MAGI1: variants seen among roughly 807,000 people sequenced by gnomAD.
The protein encoded by MAGI1 is membrane associated guanylate kinase, WW and PDZ domain containing 1.
MAGI1 carries 58 observed loss-of-function variants against 139.9 expected under a neutral mutation model. That is an observed-to-expected ratio of 0.41 (90% confidence interval 0.34 to 0.52). The LOEUF is 0.52. Among genes scored for constraint, MAGI1 ranks in the 20% least tolerant of loss-of-function variants. The pLI is 0.12. For synonymous variants in MAGI1, 812 were observed against 737.9 expected (o/e 1.10, Z -1.63); for missense variants, 1,874 against 1,901.6 (o/e 0.99, Z 0.27).
At chr3:66,034,876 C>T (rs1454651859) in intron 1 of MAGI1, among the ~76,000 whole-genome samples, 1 of 151,810 alleles carries the variant, frequency 6.6e-6, no homozygotes, top group Non-Finnish European at 1.5e-5. Flanking sequence ...CAAAATTATT[C>T]TATGGTAGAT....
chr3:66,027,007 C>T (rs1296244987), intron 1 of MAGI1, among the ~76,000 whole-genome samples: 1 of 151,490 alleles, frequency 6.6e-6, no homozygotes, highest in East Asian at 1.9e-4. Flanking sequence ...CGGTGGCTCA[C>T]ACTTGTAATC....
At chr3:65,681,645 G>A (rs926282565) in intron 1 of MAGI1, among the ~76,000 whole-genome samples, 11 of 152,132 alleles carry the variant, frequency 7.2e-5, no homozygotes, top group African/African-American at 2.7e-4. Context: ...TTATGTTCAA[G>A]TTTACTGAGA....
intron 1 of MAGI1, among the ~76,000 whole-genome samples, chr3:65,629,906 ATACT>A (rs2084194474): frequency 6.6e-6 from 1 of 152,202 alleles, no homozygotes; most frequent in Non-Finnish European, 1.5e-5. Flanking sequence ...ACAGAACCAC[ATACT>A]TAAGAAAGGG....
intron 2 of MAGI1, among the ~76,000 whole-genome samples, chr3:65,506,589 A>C (rs2077296957): frequency 6.6e-6 from 1 of 152,204 alleles, no homozygotes; most frequent in African/African-American, 2.4e-5. Context: ...TTATCTTTCA[A>C]TAAGAAATCA....
chr3:65,672,213 A>G (rs1021374052), intron 1 of MAGI1, among the ~76,000 whole-genome samples: 18 of 152,220 alleles, frequency 1.2e-4, no homozygotes, highest in African/African-American at 4.1e-4. Context: ...TTTAAGAAGC[A>G]AAATGCAAAA....
At chr3:65,493,271 A>G (rs1208589462) in intron 3 of MAGI1, among the ~76,000 whole-genome samples, 1 of 152,152 alleles carries the variant, frequency 6.6e-6, no homozygotes, top group Admixed American at 6.5e-5. Context: ...ACACACCCAC[A>G]TACTTGAATA....
chr3:65,545,636 A>G (rs1013706062), intron 2 of MAGI1, among the ~76,000 whole-genome samples: 1 of 152,166 alleles, frequency 6.6e-6, no homozygotes, highest in Non-Finnish European at 1.5e-5. Context: ...GCATCTACAG[A>G]GTTCCTAAGA....
rs1375015523 is a variant in MAGI1 at position 65,964,010 on chromosome 3, T to C, written c.313+73986A>G. Reference sequence around the variant, plus strand: ...AAGGGCAGTGAGTCAGATTCCTGAGTCTAGTTCATCTAATATAATTGTTAA... The same window carrying C: ...AAGGGCAGTGAGTCAGATTCCTGAGCCTAGTTCATCTAATATAATTGTTAA... On this transcript the variant is annotated intron_variant, in intron 1 of 22. Coordinates refer to ENST00000402939, the MANE Select transcript of MAGI1 (RefSeq NM_001033057.2). Among the ~76,000 whole-genome samples, 9 of 152,282 alleles carry C rather than the reference T, an allele frequency of 5.9e-5. No individual in the cohort carries two copies. The South Asian group carries it at 1.2e-3, about 21-fold the overall frequency.
intron 1 of MAGI1, among the ~76,000 whole-genome samples, chr3:65,790,094 CCAA>C (rs1446112865): frequency 3.3e-5 from 5 of 152,256 alleles, no homozygotes; most frequent in African/African-American, 1.2e-4. Flanking sequence ...TTTTAAAAAG[CCAA>C]CAACTACTTG....
At chr3:65,984,189 G>C (rs887218042) in intron 1 of MAGI1, among the ~76,000 whole-genome samples, 1 of 152,160 alleles carries the variant, frequency 6.6e-6, no homozygotes, top group African/African-American at 2.4e-5. Context: ...AGCTACTTGG[G>C]AGGCTGAGGC....
At chr3:65,910,034 G>C (rs1256946674) in intron 1 of MAGI1, among the ~76,000 whole-genome samples, 1 of 152,152 alleles carries the variant, frequency 6.6e-6, no homozygotes, top group Admixed American at 6.5e-5. Flanking sequence ...CTGACAGGAG[G>C]CGGAACTCAG....
chr3:65,734,491 G>GAA (rs1222983333), intron 1 of MAGI1, among the ~76,000 whole-genome samples: 2 of 131,120 alleles, frequency 1.5e-5, no homozygotes, highest in African/African-American at 5.8e-5. Context: ...GAGAAAGAAA[G>GAA]AGAGAAAGAG....
In MAGI1 at chr3:66,038,354, G is replaced by GCCC. The variant is rs1559519138; in HGVS notation, c.-49_-47dup. On this transcript the variant is annotated 5_prime_UTR_variant, in exon 1 of 23. Coordinates refer to ENST00000402939, the MANE Select transcript of MAGI1 (RefSeq NM_001033057.2). ...CAAAAAAATAAAACGAGAGACAGGT[G>GCCC]CCCCCCACAGCACGAGCCCCCAAGC... 1 of 1,508,612 alleles carries GCCC rather than the reference G, an allele frequency of 6.6e-7. No individual in the cohort carries two copies. Among genetic ancestry groups the GCCC allele is most frequent in the Admixed American group, 2.1e-5 (1 of 46,544 alleles). 93.5% of individuals were successfully genotyped at this position (1,508,612 alleles called of 1,614,324 possible). A position where few individuals can be genotyped will look rare whatever the true frequency, so the allele number is the denominator to read the frequency against.
At chr3:65,406,556 C>T (rs1006161020) in intron 12 of MAGI1, among the ~76,000 whole-genome samples, 1 of 152,108 alleles carries the variant, frequency 6.6e-6, no homozygotes, top group Non-Finnish European at 1.5e-5. Context: ...ATTTGGGTCT[C>T]CCGACTTCAG....
rs138243691 is a variant in MAGI1 at position 65,881,187 on chromosome 3, T to C, written c.313+156809A>G. Among the ~76,000 whole-genome samples the C allele has an allele frequency of 5.9e-5, 9 of 152,256 alleles. No individual in the cohort carries two copies. The East Asian group carries it at 1.7e-3, about 29-fold the overall frequency. ...AGAAATGAGCCACTCTGGCATCTGA[T>C]TTTAACTCTTCTGCACCCTGAGATT... is the stretch of plus-strand genomic sequence containing the variant. On this transcript the variant is annotated intron_variant, in intron 1 of 22. Coordinates refer to ENST00000402939, the MANE Select transcript of MAGI1 (RefSeq NM_001033057.2).
chr3:65,697,492 T>C lies in MAGI1; in HGVS notation c.314-75404A>G, dbSNP rs1295223459. Among the ~76,000 whole-genome samples, 5 of 138,562 alleles carry C rather than the reference T, an allele frequency of 3.6e-5. No homozygotes were observed. In the East Asian group the frequency reaches 6.4e-4, roughly 18 times the overall value. 90.9% of individuals were successfully genotyped at this position (138,562 alleles called of 152,430 possible). A position where few individuals can be genotyped will look rare whatever the true frequency, so the allele number is the denominator to read the frequency against. ...AATCCTCAATAAAATACTGGCAAAA[T>C]GAATCCAGCAGCACATCAAAAAGCT... On this transcript the variant is annotated intron_variant, in intron 1 of 22. Transcript: ENST00000402939.
At position 65,547,521 on chromosome 3, in the gene MAGI1, T is replaced by C. The variant is rs554505267; in HGVS notation, c.431-53890A>G. Among the ~76,000 whole-genome samples the C allele has an allele frequency of 1.6e-4, 24 of 152,288 alleles. No homozygotes were observed. The South Asian group carries it at 4.8e-3, about 30-fold the overall frequency. On this transcript the variant is annotated intron_variant, in intron 2 of 22. Coordinates refer to ENST00000402939, the MANE Select transcript of MAGI1 (RefSeq NM_001033057.2). Reference sequence around the variant, plus strand: ...CTACTCCACATCTGGGTATTCTTTTTTGTCACCTCAAGGTACCCCAGAATG... The same window carrying C: ...CTACTCCACATCTGGGTATTCTTTTCTGTCACCTCAAGGTACCCCAGAATG...
At chr3:65,580,718 T>C (rs2081379302) in intron 2 of MAGI1, among the ~76,000 whole-genome samples, 1 of 152,170 alleles carries the variant, frequency 6.6e-6, no homozygotes, top group African/African-American at 2.4e-5. Context: ...GCTATCAGAT[T>C]ACTCAAGCAC....
chr3:65,848,285 G>A (rs972573385), intron 1 of MAGI1, among the ~76,000 whole-genome samples: 4 of 152,130 alleles, frequency 2.6e-5, no homozygotes, highest in South Asian at 4.1e-4. Flanking sequence ...GAATTAAAGT[G>A]GCGAGCTAAG....
Sources: allele counts gnomAD v4.1 joint callset (sites outside exome capture counted in the v4.1 genomes callset), GRCh38; gene constraint gnomAD v4.1.1; transcripts MANE v1.5; gene names NCBI Gene and HGNC (gene_info 2026-07-23, HGNC 2026-07-21).